Variants in CARMIL1 observed in about 807,000 individuals in gnomAD.
CARMIL1 encodes F-actin-uncapping protein LRRC16A.
In CARMIL1, 90 loss-of-function variants were observed where a neutral mutation model predicts 177.1. The observed-to-expected ratio is 0.51, with a 90% CI of 0.43 to 0.61. The LOEUF (loss-of-function observed/expected upper bound fraction) is 0.61. Among genes scored for constraint, CARMIL1 ranks in the 20% least tolerant of loss-of-function variants. The pLI is 0.00. For synonymous variants in CARMIL1, 577 were observed against 606.2 expected (o/e 0.95, Z 0.71); for missense variants, 1,380 against 1,667.0 (o/e 0.83, Z 3.00).
intron 1 of CARMIL1, among the ~76,000 whole-genome samples, chr6:25,280,182 G>A (rs899596096): frequency 6.6e-6 from 1 of 152,152 alleles, no homozygotes; most frequent in African/African-American, 2.4e-5. Context: ...AGTTCTGCAA[G>A]CGAGGGGAGC....
At position 25,606,104 on chromosome 6, in the gene CARMIL1, G is replaced by A; in HGVS notation, c.3678G>A (p.Leu1226=). ...GTCTTCCAGAGAACCGCTTTGGTTT[G>A]GGAACACCAGAAAAGAATACCAAAG... The part of the protein sequence containing the change: ...HPGLPENRFG[L]GTPEKNTKAE... The change falls in exon 35 of 37, where the codon TTG becomes TTA. Residue 1226 remains leucine (L), a synonymous_variant. Transcript: ENST00000329474. 1.2e-6 allele frequency: 2 copies of A among 1,613,848 alleles called. No individual in the cohort carries two copies. Among genetic ancestry groups the A allele is most frequent in the South Asian group, 2.2e-5 (2 of 91,032 alleles).
chr6:25,281,855 C>T (rs1247339024), intron 1 of CARMIL1, among the ~76,000 whole-genome samples: 1 of 152,114 alleles, frequency 6.6e-6, no homozygotes, highest in Non-Finnish European at 1.5e-5. Context: ...TGGCTCACCC[C>T]TGTAATCCTA....
At chr6:25,427,922 C>G (rs1796417338) in intron 4 of CARMIL1, among the ~76,000 whole-genome samples, 1 of 152,128 alleles carries the variant, frequency 6.6e-6, no homozygotes, top group Non-Finnish European at 1.5e-5. Context: ...AAAATACATT[C>G]TGGATACAAA....
At chr6:25,557,238 C>T (rs1021962334) in intron 29 of CARMIL1, among the ~76,000 whole-genome samples, 1 of 152,112 alleles carries the variant, frequency 6.6e-6, no homozygotes, top group African/African-American at 2.4e-5. Context: ...TCTTTTGTTA[C>T]ACAACTTTTT....
chr6:25,320,530 A>G (rs997096110), intron 2 of CARMIL1, among the ~76,000 whole-genome samples: 5 of 152,278 alleles, frequency 3.3e-5, no homozygotes, highest in Non-Finnish European at 4.4e-5. Context: ...AGCCTTTCAC[A>G]TATAACACCT....
At chr6:25,349,006 A>G (rs955161604) in intron 2 of CARMIL1, among the ~76,000 whole-genome samples, 1 of 152,084 alleles carries the variant, frequency 6.6e-6, no homozygotes, top group Non-Finnish European at 1.5e-5. Context: ...TATTTGTATG[A>G]TTATTGTCTA....
intron 36 of CARMIL1, among the ~76,000 whole-genome samples, chr6:25,611,597 GA>G (rs1437795819): frequency 1.3e-5 from 2 of 152,304 alleles, no homozygotes; most frequent in African/African-American, 4.8e-5. Context: ...GAGAGAAAAA[GA>G]AAAGTGAGGA....
intron 1 of CARMIL1, among the ~76,000 whole-genome samples, chr6:25,281,114 A>G (rs1436562346): frequency 8.2e-6 from 1 of 122,110 alleles, no homozygotes; most frequent in South Asian, 3.6e-4. Flanking sequence ...TTATTCACAG[A>G]CGCACGCGCG....
chr6:25,589,550 C>T (rs1034276761), intron 31 of CARMIL1, among the ~76,000 whole-genome samples: 7 of 152,088 alleles, frequency 4.6e-5, no homozygotes, highest in African/African-American at 1.2e-4. Flanking sequence ...AGCAGTGGTG[C>T]GATCTCAGTT....
At chr6:25,576,770 A>T (rs776538232) in intron 29 of CARMIL1, among the ~76,000 whole-genome samples, 1 of 152,200 alleles carries the variant, frequency 6.6e-6, no homozygotes, top group Non-Finnish European at 1.5e-5. Flanking sequence ...GCTTCTGCTT[A>T]TAAAAAGCTA....
At chr6:25,548,233 AT>A (rs1582323226) in intron 26 of CARMIL1, among the ~76,000 whole-genome samples, 1 of 152,196 alleles carries the variant, frequency 6.6e-6, no homozygotes, top group East Asian at 1.9e-4. Flanking sequence ...CTAGGAATAA[AT>A]TTAGCATGTT....
intron 9 of CARMIL1, among the ~76,000 whole-genome samples, chr6:25,466,376 A>C (rs1388890797): frequency 6.6e-6 from 1 of 152,206 alleles, no homozygotes; most frequent in African/African-American, 2.4e-5. Context: ...AATGATAGTT[A>C]ATGTTGATTT....
intron 17 of CARMIL1, among the ~76,000 whole-genome samples, chr6:25,500,916 C>T (rs1024792520): frequency 1.1e-4 from 16 of 151,946 alleles, no homozygotes; most frequent in Admixed American, 5.9e-4. Flanking sequence ...CCCGCCACCA[C>T]GCCCGGCTAT....
chr6:25,457,023 C>A (rs6456683), intron 8 of CARMIL1, among the ~76,000 whole-genome samples: 17,231 of 150,302 alleles, frequency 0.11, 1,378 homozygotes, highest in African/African-American at 0.23. Flanking sequence ...TTTATAAAAG[C>A]ATTGCTGTTT....
At chr6:25,586,938 A>G (rs1225387310) in intron 31 of CARMIL1, among the ~76,000 whole-genome samples, 1 of 149,278 alleles carries the variant, frequency 6.7e-6, no homozygotes, top group African/African-American at 2.5e-5. Flanking sequence ...TCAGATAGAG[A>G]CCGTGGAGAG....
At chr6:25,499,164 C>T (rs948279012) in intron 16 of CARMIL1, among the ~76,000 whole-genome samples, 22 of 152,192 alleles carry the variant, frequency 1.4e-4, no homozygotes, top group East Asian at 3.8e-4. Flanking sequence ...TCCCACCTCA[C>T]CCTTACCCTA....
chr6:25,359,443 A>G (rs541122375), intron 2 of CARMIL1, among the ~76,000 whole-genome samples: 1 of 152,378 alleles, frequency 6.6e-6, no homozygotes, highest in Admixed American at 6.5e-5. Flanking sequence ...AAGAGGGCAG[A>G]AGAATCAGCT....
At chr6:25,386,430 T>G (rs1241487661) in intron 2 of CARMIL1, among the ~76,000 whole-genome samples, 2 of 152,050 alleles carry the variant, frequency 1.3e-5, no homozygotes, top group Non-Finnish European at 2.9e-5. Context: ...CTTTTTGTGT[T>G]TTTAGTAGAG....
intron 16 of CARMIL1, among the ~76,000 whole-genome samples, chr6:25,498,586 A>G (rs537020623): frequency 6.6e-6 from 1 of 152,314 alleles, no homozygotes; most frequent in South Asian, 2.1e-4. Flanking sequence ...TAAGCATCAT[A>G]AAAATGCAAT....
Sources: gnomAD v4.1 joint callset for allele counts (sites outside exome capture counted in the v4.1 genomes callset) on GRCh38, gnomAD v4.1.1 for gene constraint, MANE v1.5 for transcripts, NCBI Gene and HGNC (gene_info 2026-07-23, HGNC 2026-07-21) for gene names.